SLC36A1: variants seen among roughly 807,000 people sequenced by gnomAD.
The protein encoded by SLC36A1 is solute carrier family 36 member 1.
SLC36A1 carries 30 observed loss-of-function variants against 47.5 expected under a neutral mutation model. The observed-to-expected ratio is 0.63, with a 90% CI of 0.47 to 0.86. SLC36A1 has a LOEUF of 0.86. Among genes scored for constraint, SLC36A1 ranks in the 40% least tolerant of loss-of-function variants. The pLI is 0.00. For synonymous variants in SLC36A1, 255 were observed against 249.7 expected (o/e 1.02, Z -0.20); for missense variants, 517 against 606.0 (o/e 0.85, Z 1.54).
the SLC36A1 span, among the ~76,000 whole-genome samples, chr5:151,420,521 G>A: frequency 5.3e-5 from 8 of 152,132 alleles, no homozygotes; most frequent in African/African-American, 1.4e-4. Context: ...CGTGCATGCC[G>A]CCCCTTGGAG....
the SLC36A1 span, among the ~76,000 whole-genome samples, chr5:151,533,643 A>T: frequency 1.3e-5 from 2 of 152,076 alleles, no homozygotes. Context: ...TGACCTGGCT[A>T]TTCTGATGCT....
chr5:151,554,391 A>C, the SLC36A1 span: 1 of 1,614,106 alleles, frequency 6.2e-7, no homozygotes, highest in Non-Finnish European at 8.5e-7. Context: ...CCAGCTGTAA[A>C]AGTGCTGCTG....
upstream of SLC36A1, among the ~76,000 whole-genome samples, chr5:151,433,744 TCAACC>T (rs1424309764): frequency 6.6e-6 from 1 of 152,078 alleles, no homozygotes; most frequent in African/African-American, 2.4e-5. Flanking sequence ...GGGTATTTGC[TCAACC>T]CAGTGAAGTT....
chr5:151,347,240 C>T, the SLC36A1 span: 62 of 1,606,642 alleles, frequency 3.9e-5, no homozygotes, highest in Non-Finnish European at 5.0e-5. Flanking sequence ...AGGGTTTTTG[C>T]CAATGCAAGC....
the SLC36A1 span, chr5:151,512,295 C>G: frequency 1.9e-6 from 3 of 1,614,240 alleles, no homozygotes; most frequent in Non-Finnish European, 2.5e-6. This position sits in a 1 kb window ranked among gnomAD's most constrained non-coding sequence, Gnocchi z 4.1. Context: ...CAGGGGCCAG[C>G]AGATCTAGAG....
the SLC36A1 span, among the ~76,000 whole-genome samples, chr5:151,363,417 C>G: frequency 1.3e-5 from 2 of 152,036 alleles, no homozygotes; most frequent in Non-Finnish European, 2.9e-5. Flanking sequence ...TGCTTGATGG[C>G]TTTTCACTTC....
chr5:151,494,415 C>T (rs1336212727), downstream of SLC36A1, among the ~76,000 whole-genome samples: 2 of 152,188 alleles, frequency 1.3e-5, no homozygotes, highest in African/African-American at 4.8e-5. Flanking sequence ...CAGAATGTTT[C>T]CTTTGCCCCC....
the SLC36A1 span, among the ~76,000 whole-genome samples, chr5:151,398,090 C>T: frequency 5.3e-5 from 8 of 152,120 alleles, no homozygotes; most frequent in Non-Finnish European, 8.8e-5. Flanking sequence ...TGCACTTCAG[C>T]CTGGGTGACA....
chr5:151,402,241 A>G, the SLC36A1 span, among the ~76,000 whole-genome samples: 5 of 152,210 alleles, frequency 3.3e-5, no homozygotes, highest in Non-Finnish European at 5.9e-5. Context: ...ATCAATCGAG[A>G]TGATCATATG....
At chr5:151,467,321 C>A (rs61191955) in intron 6 of SLC36A1, 38 bp downstream of exon 6, 213,809 of 766,164 alleles carry the variant, frequency 0.28, 25,296 homozygotes, top group East Asian at 0.51. Flanking sequence ...AAAAAAAAAA[C>A]CAGAGCGAGA....
chr5:151,400,848 G>C, the SLC36A1 span, among the ~76,000 whole-genome samples: 1 of 152,024 alleles, frequency 6.6e-6, no homozygotes, highest in South Asian at 2.1e-4. Flanking sequence ...CATGTCTTTT[G>C]CCTACTTTTT....
At chr5:151,537,795 G>A in the SLC36A1 span, 19 of 1,609,966 alleles carry the variant, frequency 1.2e-5, no homozygotes, top group Non-Finnish European at 1.5e-5. Context: ...AAACCCACCT[G>A]TATGAGGATC....
rs77905453 is a variant in SLC36A1, at chr5:151,481,810, C to T, written c.1159+2321C>T. 0.01 allele frequency among the ~76,000 whole-genome samples: 1,527 copies of T among 152,222 alleles called. 60 individuals carry two copies. The East Asian group carries it at 0.13, about 13-fold the overall frequency. ...TGCTCATTTTGTTATGATTTCATAT[C>T]GGACAGTATCTACTTCCAGCCCATA... On this transcript the variant is annotated intron_variant, in intron 10 of 10. Coordinates refer to ENST00000243389, the MANE Select transcript of SLC36A1 (RefSeq NM_078483.4).
chr5:151,550,959 C>CCTA, the SLC36A1 span: 4 of 1,193,038 alleles, frequency 3.4e-6, no homozygotes, highest in African/African-American at 4.6e-5. Context: ...ATCACCCAGG[C>CCTA]CTAGCACAGT....
chr5:151,500,803 C>A, the SLC36A1 span, among the ~76,000 whole-genome samples: 1 of 152,244 alleles, frequency 6.6e-6, no homozygotes, highest in Non-Finnish European at 1.5e-5. Context: ...TGGTGAACTG[C>A]AAGTCTGCCT....
the SLC36A1 span, chr5:151,553,135 T>C: frequency 1.3e-6 from 2 of 1,583,376 alleles, no homozygotes; most frequent in Non-Finnish European, 1.7e-6. Context: ...TGTATAAGGA[T>C]GGGAGGGGTT....
chr5:151,350,969 G>A, the SLC36A1 span, among the ~76,000 whole-genome samples: 26 of 152,146 alleles, frequency 1.7e-4, 1 homozygote, highest in Admixed American at 1.3e-3. Context: ...AAAGGACAAT[G>A]TTTTTAATGC....
At chr5:151,473,213 G>T (rs926154862) in intron 7 of SLC36A1, among the ~76,000 whole-genome samples, 1 of 150,920 alleles carries the variant, frequency 6.6e-6, no homozygotes, top group South Asian at 2.1e-4. Flanking sequence ...TAGATAGATA[G>T]ATAGATAGAT....
upstream of SLC36A1, chr5:151,437,027 G>A (rs1289450836): frequency 6.6e-6 from 1 of 152,230 alleles, no homozygotes; most frequent in Non-Finnish European, 1.5e-5. Flanking sequence ...CTACAGATGG[G>A]GCTTTGGGGG....
Sources: gnomAD v4.1 joint callset for allele counts (sites outside exome capture counted in the v4.1 genomes callset) on GRCh38, gnomAD v4.1.1 for gene constraint, Gnocchi (gnomAD v3.1) non-coding constraint, MANE v1.5 for transcripts, NCBI Gene and HGNC (gene_info 2026-07-23, HGNC 2026-07-21) for gene names.